The following SNAP29 variants were observed in gnomAD, a reference collection of about 807,000 sequenced individuals.
The protein encoded by SNAP29 is synaptosome associated protein 29.
SNAP29 carries 13 observed loss-of-function variants against 27.9 expected under a neutral mutation model. That is an observed-to-expected ratio of 0.47 (90% CI 0.30 to 0.74). The LOEUF (loss-of-function observed/expected upper bound fraction) is 0.74. SNAP29 is among the 30% of genes least tolerant of loss of function. The pLI, the probability that SNAP29 is intolerant of heterozygous loss-of-function variation, is 0.06. For missense variants in SNAP29, 368 were observed against 336.5 expected, an observed-to-expected ratio of 1.09 and a Z score of -0.73; for synonymous variants, 119 against 127.1, an observed-to-expected ratio of 0.94 and a Z score of 0.43.
intron 2 of SNAP29, among the ~76,000 whole-genome samples, chr22:20,879,273 C>CTG (rs914440998): frequency 4.0e-5 from 6 of 150,896 alleles, no homozygotes; most frequent in African/African-American, 1.5e-4. Flanking sequence ...TGCCACTGCA[C>CTG]TCCAGCCTGG....
chr22:20,876,714 C>A (rs914600096), intron 2 of SNAP29, among the ~76,000 whole-genome samples: 5 of 151,988 alleles, frequency 3.3e-5, no homozygotes, highest in Admixed American at 6.6e-5. Flanking sequence ...ACTACAGGCA[C>A]CCGCCACCAC....
intron 2 of SNAP29, chr22:20,870,762 A>G: frequency 3.3e-6 from 2 of 599,276 alleles, no homozygotes; most frequent in Non-Finnish European, 6.0e-6. Context: ...AATAATTGTG[A>G]CCCCACTACT....
rs1248329020 is a variant in SNAP29 at position 20,881,005 on chromosome 22, T to C, written c.435-44T>C. 4.5e-5 allele frequency: 59 copies of C among 1,309,060 alleles called. No individual in the cohort carries two copies. The Admixed American group carries it at 1.0e-3, about 22-fold the overall frequency. 81.1% of individuals were successfully genotyped at this position (1,309,060 alleles called of 1,614,324 possible). A position where few individuals can be genotyped will look rare whatever the true frequency, so the allele number is the denominator to read the frequency against. On this transcript the variant is annotated intron_variant, in intron 2 of 4. Coordinates refer to ENST00000215730, the MANE Select transcript of SNAP29 (RefSeq NM_004782.4). ...GACTGATAACATTGTCATAGGGGTT[T>C]TTCCTTTTTAAACGTTTTCTTTTTT...
chr22:20,859,117 G>A lies in SNAP29; in HGVS notation c.7G>A (p.Ala3Thr). MS[A>T]YPKSYNPFDD... ...CGAGAGCCGCGCCGGCACCATGTCA[G>A]CTTACCCTAAAAGCTACAATCCGTT... Residue 3 changes from alanine (A) to threonine (T), a missense_variant, in exon 1 of 5, where the codon GCT (alanine) becomes ACT (threonine). Physicochemically the swap from Ala to Thr is moderately conservative, Grantham distance 58. Coordinates refer to ENST00000215730, the MANE Select transcript of SNAP29 (RefSeq NM_004782.4). The A allele has an allele frequency of 6.2e-7, 1 of 1,606,292 alleles. No individual in the cohort carries two copies. The highest frequency in any genetic ancestry group is 8.5e-7 in the Non-Finnish European group (1 of 1,176,972).
chr22:20,859,435 A>T (rs191552315), intron 1 of SNAP29, 88 bp downstream of exon 1: 71 of 1,012,092 alleles, frequency 7.0e-5, no homozygotes, highest in Admixed American at 6.0e-4. Context: ...ATCTTTTGAG[A>T]ATTCTCAAGT....
chr22:20,888,157 T>A lies in SNAP29; in HGVS notation c.*321T>A, dbSNP rs1387634331. 5.4e-6 allele frequency: 2 copies of A among 369,126 alleles called. No individual in the cohort carries two copies. Among genetic ancestry groups the A allele is most frequent in the Non-Finnish European group, 1.0e-5 (2 of 193,372 alleles). 22.9% of individuals were successfully genotyped at this position (369,126 alleles called of 1,614,324 possible). A position where few individuals can be genotyped will look rare whatever the true frequency, so the allele number is the denominator to read the frequency against. Reference sequence around the variant, plus strand: ...GTTGCATTTCTCATTTTAATGAGCATATGGAAAGATGGGAACAGAATTTCA... The same window carrying A: ...GTTGCATTTCTCATTTTAATGAGCAAATGGAAAGATGGGAACAGAATTTCA... On this transcript the variant is annotated 3_prime_UTR_variant, in exon 5 of 5. Coordinates refer to ENST00000215730, the MANE Select transcript of SNAP29 (RefSeq NM_004782.4).
rs766048882 is a variant in SNAP29, at chr22:20,859,308, C to G, written c.198C>G (p.Leu66=). Reference sequence around the variant, plus strand: ...CCAGCACCAGCAGGTCCCTGGCCCTCATGTACGAGTCCGAGAAGGTTGGGG... The same window carrying G: ...CCAGCACCAGCAGGTCCCTGGCCCTGATGTACGAGTCCGAGAAGGTTGGGG... ...TAASTSRSLA[L]MYESEKVGVA... is the part of the protein sequence containing the mutation. Residue 66 remains leucine (L), a synonymous_variant, in exon 1 of 5, where the codon CTC becomes CTG. Coordinates refer to ENST00000215730, the MANE Select transcript of SNAP29 (RefSeq NM_004782.4). 7 of 1,613,252 alleles carry G rather than the reference C, an allele frequency of 4.3e-6. No individual in the cohort carries two copies. In the South Asian group the frequency reaches 7.7e-5, roughly 18 times the overall value.
intron 1 of SNAP29, among the ~76,000 whole-genome samples, chr22:20,865,995 A>G (rs1928450325): frequency 2.0e-5 from 3 of 152,182 alleles, no homozygotes; most frequent in African/African-American, 4.8e-5. Flanking sequence ...ATCATATATC[A>G]CATTGTTAGC....
chr22:20,881,362 A>G (rs1039533113), intron 3 of SNAP29, among the ~76,000 whole-genome samples: 1 of 152,136 alleles, frequency 6.6e-6, no homozygotes, highest in African/African-American at 2.4e-5. Flanking sequence ...CCCTCCCTCC[A>G]TGGAGAGGAG....
At chr22:20,862,728 A>G (rs540878109) in intron 1 of SNAP29, among the ~76,000 whole-genome samples, 5 of 152,204 alleles carry the variant, frequency 3.3e-5, no homozygotes, top group Non-Finnish European at 5.9e-5. Flanking sequence ...CAGTGTGGTC[A>G]TGACTGGGCA....
rs374289019 is a variant in SNAP29, at chr22:20,872,505, G to A, written c.434+1972G>A. ...AAGCTCCGCCTCCCGGGTTCATGCCGTTCTCCTGCCTCAGCCTCCCGAGTA... is the reference window on the plus strand; with the variant it reads ...AAGCTCCGCCTCCCGGGTTCATGCCATTCTCCTGCCTCAGCCTCCCGAGTA... On this transcript the variant is annotated intron_variant, in intron 2 of 4. Coordinates refer to ENST00000215730, the MANE Select transcript of SNAP29 (RefSeq NM_004782.4). Among the ~76,000 whole-genome samples, 71 of 151,970 alleles carry A rather than the reference G, an allele frequency of 4.7e-4. No individual in the cohort carries two copies. The East Asian group carries it at 0.012, about 26-fold the overall frequency.
chr22:20,861,018 C>T (rs936035862), intron 1 of SNAP29, among the ~76,000 whole-genome samples: 2 of 152,112 alleles, frequency 1.3e-5, no homozygotes, highest in African/African-American at 2.4e-5. Context: ...GCTTGGGCGA[C>T]AGAGCAACAC....
chr22:20,859,158 G>T lies in SNAP29; in HGVS notation c.48G>T (p.Glu16Asp), dbSNP rs761925474. The change falls in exon 1 of 5, where the codon GAG becomes GAT. Residue 16 changes from glutamate to aspartate, a missense_variant. Transcript: ENST00000215730. ...ACAATCCGTTCGACGACGACGGGGA[G>T]GACGAAGGCGCCCGGCCGGCCCCTT... ...KSYNPFDDDG[E>D]DEGARPAPWR... is the part of the protein sequence containing the mutation. The T allele has an allele frequency of 5.3e-5, 85 of 1,607,042 alleles. No homozygotes were observed. In the South Asian group the frequency reaches 8.6e-4, roughly 16 times the overall value.
chr22:20,859,423 C>T, intron 1 of SNAP29, 76 bp downstream of exon 1: 1 of 1,116,540 alleles, frequency 9.0e-7, no homozygotes, highest in Non-Finnish European at 1.4e-6. Context: ...GTTTTGCTCA[C>T]AATCTTTTGA....
chr22:20,886,150 C>CT (rs1250232827), intron 4 of SNAP29, among the ~76,000 whole-genome samples: 1 of 144,220 alleles, frequency 6.9e-6, no homozygotes, highest in Non-Finnish European at 1.5e-5. Context: ...CTGTTTTTCT[C>CT]TTTCTTTTCT....
At chr22:20,860,951 C>T (rs763419834) in intron 1 of SNAP29, among the ~76,000 whole-genome samples, 3 of 151,940 alleles carry the variant, frequency 2.0e-5, no homozygotes, top group Non-Finnish European at 4.4e-5. Flanking sequence ...GCAGGAGGAC[C>T]GCTTGAGCCC....
chr22:20,864,701 C>G (rs919866938), intron 1 of SNAP29, among the ~76,000 whole-genome samples: 8 of 152,202 alleles, frequency 5.3e-5, no homozygotes, highest in African/African-American at 1.7e-4. Context: ...CAGTCTCTTA[C>G]CCATCTCTTG....
Position 20,890,224 on chromosome 22 carries a change from C to T in SNAP29, c.*2388C>T, listed in dbSNP as rs760927522. ...CATTTTCACAGAGAATGAAGGAAGA[C>T]GTAACATGGCTCCAGAAACTTTTCA... On this transcript the variant is annotated 3_prime_UTR_variant, in exon 5 of 5. Transcript: ENST00000215730. The T allele has an allele frequency of 2.3e-5, 9 of 398,422 alleles. No individual in the cohort carries two copies. The highest frequency in any genetic ancestry group is 1.8e-4 in the East Asian group (5 of 28,070). 24.7% of individuals were successfully genotyped at this position (398,422 alleles called of 1,614,324 possible). A position where few individuals can be genotyped will look rare whatever the true frequency, so the allele number is the denominator to read the frequency against.
chr22:20,888,455 G>T lies in SNAP29; in HGVS notation c.*619G>T, dbSNP rs974750838. On this transcript the variant is annotated 3_prime_UTR_variant, in exon 5 of 5. Coordinates refer to ENST00000215730, the MANE Select transcript of SNAP29 (RefSeq NM_004782.4). Reference sequence around the variant, plus strand: ...CCATCTTGCTCTTTTGTTGGCAGATGTCCCCGCTTCCCTCCAGCCCCCCAT... The same window carrying T: ...CCATCTTGCTCTTTTGTTGGCAGATTTCCCCGCTTCCCTCCAGCCCCCCAT... The T allele has an allele frequency of 6.1e-6, 1 of 164,358 alleles. No individual in the cohort carries two copies. Among genetic ancestry groups the T allele is most frequent in the African/African-American group, 2.4e-5 (1 of 41,450 alleles). 10.2% of individuals were successfully genotyped at this position (164,358 alleles called of 1,614,324 possible). A position where few individuals can be genotyped will look rare whatever the true frequency, so the allele number is the denominator to read the frequency against.
Sources: allele counts gnomAD v4.1 joint callset (sites outside exome capture counted in the v4.1 genomes callset), GRCh38; gene constraint gnomAD v4.1.1; transcripts MANE v1.5; gene names NCBI Gene and HGNC (gene_info 2026-07-23, HGNC 2026-07-21).